The following NECTIN4 variants were observed in gnomAD, a reference collection of about 807,000 sequenced individuals.
The protein encoded by NECTIN4 is nectin-4.
NECTIN4 carries 19 observed loss-of-function variants against 51.7 expected under a neutral mutation model. The observed-to-expected ratio is 0.37, with a 90% CI of 0.26 to 0.54. NECTIN4 has a LOEUF of 0.54. NECTIN4 is among the 20% of genes least tolerant of loss of function. The probability of loss-of-function intolerance (pLI) is 0.86; values close to 1 mark genes in which losing one functional copy is unlikely to be tolerated. For synonymous variants in NECTIN4, 283 were observed against 286.9 expected, an observed-to-expected ratio of 0.99 and a Z score of 0.14; for missense variants, 619 against 662.4, an observed-to-expected ratio of 0.93 and a Z score of 0.72.
rs148553102 is a variant in NECTIN4 at position 161,086,276 on chromosome 1, C to A, written c.79+2942G>T. Among the ~76,000 whole-genome samples the A allele has an allele frequency of 4.6e-3, 700 of 152,258 alleles. 5 individuals are homozygous for A. The highest frequency in any genetic ancestry group is 0.015 in the Admixed American group (225 of 15,292). ...ATCTCTGTAGCTAGGCTCTCCTTGG[C>A]CCGGCCTCCTTAAACACTAGGGTGG... On this transcript the variant is annotated intron_variant, in intron 1 of 8. Transcript: ENST00000368012.
Position 161,089,496 on chromosome 1 carries a change from C to CCGTGAT in NECTIN4, c.-206_-201dup. ...CCCAGCCGTAGCTACCCCCAAGAAG[C>CCGTGAT]CGTGATCGGGAGCTCCGAGCTCCCC... On this transcript the variant is annotated 5_prime_UTR_variant, in exon 1 of 9. Transcript: ENST00000368012. This position sits in a 1 kb window ranked among gnomAD's most constrained non-coding sequence, Gnocchi z 4.1. The CCGTGAT allele has an allele frequency of 1.6e-6, 1 of 611,466 alleles. No individual in the cohort carries two copies. Among genetic ancestry groups the CCGTGAT allele is most frequent in the Middle Eastern group, 4.4e-4 (1 of 2,250 alleles). The allele number at this position is 611,466 out of a possible 1,614,324, so 37.9% of individuals were successfully genotyped here.
intron 1 of NECTIN4, among the ~76,000 whole-genome samples, chr1:161,088,408 C>T (rs1654044863): frequency 6.6e-6 from 1 of 152,198 alleles, no homozygotes; most frequent in African/African-American, 2.4e-5. Flanking sequence ...CTCTCCTCTA[C>T]TCTGAAGATT....
chr1:161,082,264 G>A (rs117194117), intron 1 of NECTIN4, among the ~76,000 whole-genome samples: 2 of 152,244 alleles, frequency 1.3e-5, no homozygotes, highest in South Asian at 4.1e-4. Context: ...GGAGGTGGAG[G>A]TTGCAGTGAG....
intron 1 of NECTIN4, among the ~76,000 whole-genome samples, chr1:161,081,850 C>A (rs959086899): frequency 6.6e-6 from 1 of 150,858 alleles, no homozygotes; most frequent in African/African-American, 2.4e-5. Context: ...CTCTGTGCTC[C>A]CCAGCACCCT....
Position 161,072,758 on chromosome 1 carries a change from T to G in NECTIN4, c.1436A>C (p.Lys479Thr), listed in dbSNP as rs1323469193. Residue 479 changes from lysine to threonine, a missense_variant, in exon 9 of 9, where the codon AAA becomes ACA. Around this residue, in one of 3 missense-constraint regions of NECTIN4, gnomAD observed 364 missense variants for 415.7 expected, o/e 0.88. Coordinates refer to ENST00000368012, the MANE Select transcript of NECTIN4 (RefSeq NM_030916.3). ...EEEEDQDEGI[K>T]QAMNHFVQEN... ...CTGAACAAAATGGTTCATGGCCTGTTTGATGCCTTCATCCTGATCTTCCTC... is the reference window on the plus strand; with the variant it reads ...CTGAACAAAATGGTTCATGGCCTGTGTGATGCCTTCATCCTGATCTTCCTC... 1 of 1,614,086 alleles carries G rather than the reference T, an allele frequency of 6.2e-7. No individual in the cohort carries two copies. The highest frequency in any genetic ancestry group is 1.3e-5 in the African/African-American group (1 of 74,926).
At position 161,079,802 on chromosome 1, in the gene NECTIN4, G is replaced by T; in HGVS notation, c.227C>A (p.Ala76Asp). Reference protein sequence around the residue: ...AWARVDAGEGAQELALLHSKY... With the variant: ...AWARVDAGEGDQELALLHSKY... ...GGAGTGCAGTAGCGCTAGTTCCTGG[G>T]CGCCTTCGCCCGCGTCCACCCGAGC... Residue 76 changes from alanine to aspartate, a missense_variant, in exon 2 of 9, where the codon GCC becomes GAC. This residue lies in a region of NECTIN4 where 218 missense variants were observed against 186.3 expected (regional missense o/e 1.17). Transcript: ENST00000368012. 6.2e-7 allele frequency: 1 copy of T among 1,613,454 alleles called. No individual in the cohort carries two copies. The highest frequency in any genetic ancestry group is 8.5e-7 in the Non-Finnish European group (1 of 1,179,978).
In NECTIN4 at chr1:161,082,767, T is replaced by C. The variant is rs112466152; in HGVS notation, c.80-2818A>G. On this transcript the variant is annotated intron_variant, in intron 1 of 8. Coordinates refer to ENST00000368012, the MANE Select transcript of NECTIN4 (RefSeq NM_030916.3). Reference sequence around the variant, plus strand: ...CCCAGGCTTTTTCTCCTCCTGGCACTGGAAAGAACAGGGCTGCCAAGGAAG... The same window carrying C: ...CCCAGGCTTTTTCTCCTCCTGGCACCGGAAAGAACAGGGCTGCCAAGGAAG... Among the ~76,000 whole-genome samples the C allele has an allele frequency of 4.9e-3, 749 of 152,090 alleles. 5 individuals are homozygous for C. The highest frequency in any genetic ancestry group is 0.015 in the Admixed American group (224 of 15,286).
In NECTIN4 at chr1:161,072,480, G is replaced by A; in HGVS notation, c.*181C>T. 1.5e-6 allele frequency: 1 copy of A among 658,194 alleles called. No homozygotes were observed. The highest frequency in any genetic ancestry group is 2.8e-6 in the Non-Finnish European group (1 of 362,232). The allele number at this position is 658,194 out of a possible 1,614,324, so 40.8% of individuals were successfully genotyped here. A position where few individuals can be genotyped will look rare whatever the true frequency, so the allele number is the denominator to read the frequency against. On this transcript the variant is annotated 3_prime_UTR_variant, in exon 9 of 9. Transcript: ENST00000368012. ...ACAGTGACCTGCATGCATGGTGGGA[G>A]AGACTCAATTGGTGGAGCCCTCCCG...
At position 161,085,697 on chromosome 1, in the gene NECTIN4, C is replaced by CTT. The variant is rs397798727; in HGVS notation, c.79+3519_79+3520dup. ...TCCCCAGTTCTGAACTTCGCCTCCTCTTTTTTTTTTTTTTTTTTTGACACA... is the reference window on the plus strand; with the variant it reads ...TCCCCAGTTCTGAACTTCGCCTCCTCTTTTTTTTTTTTTTTTTTTTTGACACA... On this transcript the variant is annotated intron_variant, in intron 1 of 8. Transcript: ENST00000368012. Among the ~76,000 whole-genome samples, 336 of 133,882 alleles carry CTT rather than the reference C, an allele frequency of 2.5e-3. 4 individuals carry two copies. The highest frequency in any genetic ancestry group is 4.0e-3 in the Non-Finnish European group (248 of 62,442). 87.8% of individuals were successfully genotyped at this position (133,882 alleles called of 152,430 possible).
chr1:161,072,854 G>A lies in NECTIN4; in HGVS notation c.1340C>T (p.Thr447Met), dbSNP rs201672034. 25 of 1,613,998 alleles carry A rather than the reference G, an allele frequency of 1.5e-5. No homozygotes were observed. The highest frequency in any genetic ancestry group is 2.0e-5 in the Non-Finnish European group (24 of 1,179,994). The change falls in exon 9 of 9, where the codon ACG becomes ATG. Residue 447 changes from threonine (T) to methionine (M), a missense_variant. Coordinates refer to ENST00000368012, the MANE Select transcript of NECTIN4 (RefSeq NM_030916.3). ...SEEPEGRSYS[T>M]LTTVREIETQ... The stretch of plus-strand genomic sequence containing the variant: ...TTCTATCTCCCTCACCGTGGTCAGC[G>A]TGGAGTAACTGCGGCCCTCGGGCTC...
chr1:161,077,392 G>C, intron 3 of NECTIN4, 61 bp downstream of exon 3: 1 of 1,584,552 alleles, frequency 6.3e-7, no homozygotes, highest in Non-Finnish European at 8.7e-7. Flanking sequence ...GGGACCTGTG[G>C]CATCTCACCA....
Position 161,089,358 on chromosome 1 carries a change from T to G in NECTIN4, c.-62A>C. 6.7e-7 allele frequency: 1 copy of G among 1,487,776 alleles called. No homozygotes were observed. Among genetic ancestry groups the G allele is most frequent in the South Asian group, 1.1e-5 (1 of 88,520 alleles). 92.2% of individuals were successfully genotyped at this position (1,487,776 alleles called of 1,614,324 possible). On this transcript the variant is annotated 5_prime_UTR_variant, in exon 1 of 9. Coordinates refer to ENST00000368012, the MANE Select transcript of NECTIN4 (RefSeq NM_030916.3). This position sits in a 1 kb window ranked among gnomAD's most constrained non-coding sequence, Gnocchi z 4.1. ...CACCGAGATCTCCCTGGGAGCCGGC[T>G]GCAGACTTGAATAAGGAACTGACCC...
chr1:161,088,530 G>A (rs574228147), intron 1 of NECTIN4, among the ~76,000 whole-genome samples: 3 of 152,108 alleles, frequency 2.0e-5, no homozygotes, highest in African/African-American at 7.2e-5. Flanking sequence ...AACAAATGGG[G>A]ACCACACCCT....
rs779852933 is a variant in NECTIN4 at position 161,072,764 on chromosome 1, C to T, written c.1430G>A (p.Gly477Asp). 8.1e-6 allele frequency: 13 copies of T among 1,614,212 alleles called. No homozygotes were observed. Among genetic ancestry groups the T allele is most frequent in the Non-Finnish European group, 1.0e-5 (12 of 1,180,036 alleles). ...AAAATGGTTCATGGCCTGTTTGATG[C>T]CTTCATCCTGATCTTCCTCCTCCTC... The part of the protein sequence containing the change: ...RAEEEEDQDE[G>D]IKQAMNHFVQ... The change falls in exon 9 of 9, where the codon GGC becomes GAC. Residue 477 changes from glycine (G) to aspartate (D), a missense_variant. Physicochemically the swap from Gly to Asp is moderately conservative, Grantham distance 94. This residue lies in a region of NECTIN4 where 364 missense variants were observed against 415.7 expected (regional missense o/e 0.88). Coordinates refer to ENST00000368012, the MANE Select transcript of NECTIN4 (RefSeq NM_030916.3).
chr1:161,080,842 C>T (rs903028003), intron 1 of NECTIN4, among the ~76,000 whole-genome samples: 3 of 152,242 alleles, frequency 2.0e-5, no homozygotes, highest in Non-Finnish European at 4.4e-5. Context: ...CCACTCCCTG[C>T]TCTCATGGGA....
chr1:161,074,055 G>A (rs1653304149), intron 6 of NECTIN4, among the ~76,000 whole-genome samples, 162 bp downstream of exon 6: 1 of 152,100 alleles, frequency 6.6e-6, no homozygotes, highest in African/African-American at 2.4e-5. Flanking sequence ...CTGTGCTCCA[G>A]ACCCTTAGCT....
chr1:161,085,510 T>G (rs1240814452), intron 1 of NECTIN4, among the ~76,000 whole-genome samples: 1 of 151,586 alleles, frequency 6.6e-6, no homozygotes, highest in Non-Finnish European at 1.5e-5. Context: ...AATCACAGCC[T>G]CAACTCCAGC....
intron 4 of NECTIN4, 94 bp downstream of exon 4, chr1:161,076,261 G>T: frequency 7.0e-7 from 1 of 1,429,400 alleles, no homozygotes. Flanking sequence ...TGGGGGCTCA[G>T]AATATGTTGT....
At chr1:161,085,977 G>T (rs181151542) in intron 1 of NECTIN4, among the ~76,000 whole-genome samples, 1 of 152,076 alleles carries the variant, frequency 6.6e-6, no homozygotes, top group African/African-American at 2.4e-5. Flanking sequence ...GAGCCACCAC[G>T]CCTGGCCCCC....
Sources: allele counts gnomAD v4.1 joint callset (sites outside exome capture counted in the v4.1 genomes callset), GRCh38; gene constraint gnomAD v4.1.1; regional missense constraint gnomAD v4.1.1; non-coding constraint Gnocchi (gnomAD v3.1); transcripts MANE v1.5; gene names NCBI Gene and HGNC (gene_info 2026-07-23, HGNC 2026-07-21).